Variants in MPHOSPH9 observed in about 807,000 individuals in gnomAD.
MPHOSPH9 encodes the protein M-phase phosphoprotein 9.
Under a neutral mutation model 145.5 loss-of-function variants are expected in MPHOSPH9, and 88 were observed. That is an observed-to-expected ratio of 0.60 (90% confidence interval 0.51 to 0.72). The LOEUF is 0.72. Ranked by LOEUF, MPHOSPH9 falls within the 30% of genes least tolerant of loss-of-function variation. MPHOSPH9 has a pLI of 0.00. For synonymous variants in MPHOSPH9, 435 were observed against 486.2 expected, an observed-to-expected ratio of 0.89 and a Z score of 1.39; for missense variants, 1,238 against 1,386.6, an observed-to-expected ratio of 0.89 and a Z score of 1.70.
At chr12:123,208,202 A>C (rs1181019322) in intron 8 of MPHOSPH9, among the ~76,000 whole-genome samples, 2 of 151,470 alleles carry the variant, frequency 1.3e-5, no homozygotes, top group African/African-American at 4.8e-5. Context: ...AAAAAAAAAA[A>C]AAAAAAATTT....
At position 123,230,247 on chromosome 12, in the gene MPHOSPH9, A is replaced by G; in HGVS notation, c.104+14T>C. The stretch of plus-strand genomic sequence containing the variant: ...ATTCTGATTTGGTACATTTTTTTTA[A>G]ATCCCATTCTTACCTATCAGTATTT... On this transcript the variant is annotated intron_variant, in intron 2 of 23. Coordinates refer to ENST00000606320, the MANE Select transcript of MPHOSPH9 (RefSeq NM_022782.4). 7.3e-7 allele frequency: 1 copy of G among 1,367,376 alleles called. No homozygotes were observed. The highest frequency in any genetic ancestry group is 1.5e-5 in the African/African-American group (1 of 68,794). The allele number at this position is 1,367,376 out of a possible 1,614,324, so 84.7% of individuals were successfully genotyped here. A position where few individuals can be genotyped will look rare whatever the true frequency, so the allele number is the denominator to read the frequency against.
At chr12:123,187,659 C>G (rs2045505727) in intron 13 of MPHOSPH9, among the ~76,000 whole-genome samples, 1 of 152,014 alleles carries the variant, frequency 6.6e-6, no homozygotes, top group South Asian at 2.1e-4. Flanking sequence ...AGAGACAGAC[C>G]AATGGAACAG....
intron 13 of MPHOSPH9, among the ~76,000 whole-genome samples, chr12:123,184,583 C>T (rs1020823925): frequency 6.6e-6 from 1 of 151,798 alleles, no homozygotes; most frequent in Non-Finnish European, 1.5e-5. Flanking sequence ...CTGCAAGCTC[C>T]GCCTCCCGGG....
chr12:123,209,167 A>G (rs893450860), intron 8 of MPHOSPH9, among the ~76,000 whole-genome samples: 2 of 152,114 alleles, frequency 1.3e-5, no homozygotes, highest in Non-Finnish European at 2.9e-5. Flanking sequence ...TCCCAACCTC[A>G]GGTGATCTGC....
intron 3 of MPHOSPH9, among the ~76,000 whole-genome samples, chr12:123,223,776 T>C (rs756293980): frequency 2.5e-4 from 38 of 152,132 alleles, no homozygotes; most frequent in Non-Finnish European, 4.7e-4. Flanking sequence ...GTTCACTTTG[T>C]GAACTCTGTC....
chr12:123,210,824 G>A (rs1023786019), intron 7 of MPHOSPH9, among the ~76,000 whole-genome samples: 1 of 151,600 alleles, frequency 6.6e-6, no homozygotes, highest in African/African-American at 2.4e-5. Flanking sequence ...ACAGAGTCTC[G>A]CTCTGTTGCC....
intron 1 of MPHOSPH9, among the ~76,000 whole-genome samples, chr12:123,242,124 T>C (rs1008768358): frequency 7.2e-5 from 11 of 152,226 alleles, no homozygotes; most frequent in African/African-American, 2.7e-4. Context: ...TGTTCCCTTT[T>C]GTAAATTCCT....
In MPHOSPH9 at chr12:123,165,433, G is replaced by A; in HGVS notation, c.2636C>T (p.Ser879Leu). ...LEKDSSPGSS[S>L]TSLLIKKQRE... is the part of the protein sequence containing the mutation. ...TTGCTTTTTTATCAACAAGCTTGTT[G>A]ATGAACTTCCAGGTGAAGAATCCTT... Residue 879 changes from serine (S) to leucine (L), a missense_variant, in exon 18 of 24, where the codon TCA becomes TTA. Transcript: ENST00000606320. 1.2e-6 allele frequency: 2 copies of A among 1,613,928 alleles called. No homozygotes were observed. The highest frequency in any genetic ancestry group is 1.7e-6 in the Non-Finnish European group (2 of 1,179,980).
intron 23 of MPHOSPH9, chr12:123,160,565 C>CT (rs972984977): frequency 4.5e-5 from 23 of 507,006 alleles, no homozygotes; most frequent in Non-Finnish European, 7.3e-5. Flanking sequence ...ACCTTCTTCT[C>CT]TAAGTCTAAA....
chr12:123,172,418 C>A (rs895172452), intron 16 of MPHOSPH9, among the ~76,000 whole-genome samples: 1 of 151,968 alleles, frequency 6.6e-6, no homozygotes, highest in Non-Finnish European at 1.5e-5. Context: ...CTGGAACCTC[C>A]GCCTTCCAGG....
intron 8 of MPHOSPH9, among the ~76,000 whole-genome samples, chr12:123,207,948 A>T (rs561790503): frequency 3.2e-4 from 48 of 150,942 alleles, no homozygotes; most frequent in African/African-American, 1.1e-3. Flanking sequence ...TCTTAAATTT[A>T]AAAAAAATGG....
Position 123,187,066 on chromosome 12 carries a change from C to T in MPHOSPH9, c.2242-5856G>A, listed in dbSNP as rs557254838. 9.2e-5 allele frequency among the ~76,000 whole-genome samples: 14 copies of T among 152,226 alleles called. No homozygotes were observed. The South Asian group carries it at 1.9e-3, about 20-fold the overall frequency. ...CTGAGGTCAGGAGTCCGAGACCAGCCATGGCTAACATGGTGAAACCCTGTT... is the reference window on the plus strand; with the variant it reads ...CTGAGGTCAGGAGTCCGAGACCAGCTATGGCTAACATGGTGAAACCCTGTT... On this transcript the variant is annotated intron_variant, in intron 13 of 23. Transcript: ENST00000606320.
Position 123,202,989 on chromosome 12 carries a change from T to C in MPHOSPH9, c.1416A>G (p.Ile472Met), listed in dbSNP as rs749880289. The C allele has an allele frequency of 4.3e-6, 7 of 1,614,194 alleles. No individual in the cohort carries two copies. The highest frequency in any genetic ancestry group is 1.6e-4 in the Middle Eastern group (1 of 6,062). Reference protein sequence around the residue: ...HGLPNALDDRISFSPDSVLEP... With the variant: ...HGLPNALDDRMSFSPDSVLEP... ...CTAGAACAGAGTCCGGGGAAAAGGA[T>C]ATTCTGTCATCAAGGGCATTCGGAA... is the stretch of plus-strand genomic sequence containing the variant. The change falls in exon 10 of 24, where the codon ATA becomes ATG. Residue 472 changes from isoleucine (I) to methionine (M), a missense_variant. By Grantham distance (10) the Ile-to-Met change is conservative. Around this residue, in one of 3 missense-constraint regions of MPHOSPH9, gnomAD observed 837 missense variants for 897.5 expected, o/e 0.93. Transcript: ENST00000606320.
intron 1 of MPHOSPH9, among the ~76,000 whole-genome samples, chr12:123,243,529 CAAAAAA>C (rs55817401): frequency 0.2 from 23,060 of 117,876 alleles, 2,130 homozygotes; most frequent in Middle Eastern, 0.3. Context: ...GACTCCGTCT[CAAAAAA>C]AAAAAAAAAA....
At chr12:123,210,631 G>A (rs2046659889) in intron 7 of MPHOSPH9, among the ~76,000 whole-genome samples, 2 of 152,062 alleles carry the variant, frequency 1.3e-5, no homozygotes, top group Non-Finnish European at 2.9e-5. Context: ...GACAGAGGTT[G>A]TAGTGAGCTG....
intron 6 of MPHOSPH9, among the ~76,000 whole-genome samples, chr12:123,217,015 AT>A (rs2046996603): frequency 6.6e-6 from 1 of 151,896 alleles, no homozygotes; most frequent in South Asian, 2.1e-4. Flanking sequence ...AAATAAATAA[AT>A]AAATAAAAGA....
chr12:123,163,551 A>G (rs2044193333), intron 19 of MPHOSPH9, among the ~76,000 whole-genome samples: 2 of 151,460 alleles, frequency 1.3e-5, no homozygotes, highest in African/African-American at 4.9e-5. Flanking sequence ...AATGGTGACT[A>G]ATGCTAAGTA....
At position 123,230,274 on chromosome 12, in the gene MPHOSPH9, A is replaced by G; in HGVS notation, c.91T>C (p.Leu31=). The change falls in exon 2 of 24, where the codon TTA becomes CTA. Residue 31 remains leucine, a synonymous_variant. Coordinates refer to ENST00000606320, the MANE Select transcript of MPHOSPH9 (RefSeq NM_022782.4). ...ENSLHSLGLN[L]NTDRSSPHLS... ...TCCCATTCTTACCTATCAGTATTTAAGTTCAGTCCAAGAGAATGAAGAGAA... is the reference window on the plus strand; with the variant it reads ...TCCCATTCTTACCTATCAGTATTTAGGTTCAGTCCAAGAGAATGAAGAGAA... The G allele has an allele frequency of 6.6e-7, 1 of 1,512,822 alleles. No individual in the cohort carries two copies. Among genetic ancestry groups the G allele is most frequent in the Non-Finnish European group, 8.9e-7 (1 of 1,128,190 alleles). The allele number at this position is 1,512,822 out of a possible 1,614,324, so 93.7% of individuals were successfully genotyped here.
intron 5 of MPHOSPH9, among the ~76,000 whole-genome samples, chr12:123,219,907 GT>G (rs1251173096): frequency 6.6e-6 from 1 of 152,140 alleles, no homozygotes; most frequent in African/African-American, 2.4e-5. Context: ...TTCAGGCTGG[GT>G]GCAGTGGTTC....
Sources: allele counts gnomAD v4.1 joint callset (sites outside exome capture counted in the v4.1 genomes callset), GRCh38; gene constraint gnomAD v4.1.1; regional missense constraint gnomAD v4.1.1; transcripts MANE v1.5; gene names NCBI Gene and HGNC (gene_info 2026-07-23, HGNC 2026-07-21).